The following ACVR1 variants were observed in gnomAD, a reference collection of about 807,000 sequenced individuals.
ACVR1 encodes activin receptor type-1.
ACVR1 carries 38 observed loss-of-function variants against 57.1 expected under a neutral mutation model. That is an observed-to-expected ratio of 0.67 (90% CI 0.51 to 0.87). ACVR1 has a LOEUF of 0.87. Among genes scored for constraint, ACVR1 ranks in the 40% least tolerant of loss-of-function variants. The pLI is 0.00. For synonymous variants in ACVR1, 212 were observed against 228.1 expected (o/e 0.93, Z 0.63); for missense variants, 463 against 638.2 (o/e 0.73, Z 2.96).
intron 2 of ACVR1, among the ~76,000 whole-genome samples, chr2:157,812,518 T>A (rs1687785512): frequency 6.6e-6 from 1 of 152,200 alleles, no homozygotes; most frequent in Non-Finnish European, 1.5e-5. Flanking sequence ...ACCTTGTAAT[T>A]AACTAAACTA....
chr2:157,762,337 T>A (rs952909262), intron 8 of ACVR1, among the ~76,000 whole-genome samples: 5 of 152,240 alleles, frequency 3.3e-5, no homozygotes, highest in African/African-American at 1.2e-4. Context: ...CATCTTTTAC[T>A]GTAGCTAATC....
At chr2:157,822,953 T>G (rs1688210368) in intron 1 of ACVR1, among the ~76,000 whole-genome samples, 1 of 152,230 alleles carries the variant, frequency 6.6e-6, no homozygotes, top group Non-Finnish European at 1.5e-5. Flanking sequence ...AAGACTCAGT[T>G]TACTTCTAAA....
intron 7 of ACVR1, among the ~76,000 whole-genome samples, chr2:157,769,597 T>A (rs1311581193): frequency 1.3e-5 from 2 of 152,206 alleles, no homozygotes; most frequent in African/African-American, 4.8e-5. Context: ...GAAATAAATT[T>A]TGGCAATGGC....
chr2:157,852,953 G>A (rs76067177), intron 1 of ACVR1, among the ~76,000 whole-genome samples: 3 of 152,236 alleles, frequency 2.0e-5, no homozygotes, highest in African/African-American at 7.2e-5. Flanking sequence ...TTAATAAAAG[G>A]TAGGATGTGG....
At chr2:157,768,811 G>T (rs1559046102) in intron 7 of ACVR1, among the ~76,000 whole-genome samples, 2 of 152,128 alleles carry the variant, frequency 1.3e-5, no homozygotes, top group Non-Finnish European at 2.9e-5. Context: ...ATTTAAAACT[G>T]GGAAAATGAG....
At chr2:157,843,686 G>C (rs936430404) in intron 1 of ACVR1, among the ~76,000 whole-genome samples, 6 of 152,100 alleles carry the variant, frequency 3.9e-5, no homozygotes, top group Admixed American at 2.6e-4. Flanking sequence ...CATGGGAAAG[G>C]ATTAACATGT....
chr2:157,847,745 A>G (rs564896011), intron 1 of ACVR1, among the ~76,000 whole-genome samples: 1 of 152,342 alleles, frequency 6.6e-6, no homozygotes, highest in South Asian at 2.1e-4. Flanking sequence ...CTATGGGAAC[A>G]CAGAAGAGAG....
At position 157,737,450 on chromosome 2, in the gene ACVR1, G is replaced by T; in HGVS notation, c.*81C>A. The T allele has an allele frequency of 1.3e-6, 2 of 1,554,260 alleles. No homozygotes were observed. Among genetic ancestry groups the T allele is most frequent in the South Asian group, 1.1e-5 (1 of 87,424 alleles). ...GAGGGAGACAGATGGATTCCATTCTGACAACCAGTCAGGCCAGCATTAGGT... is the reference window on the plus strand; with the variant it reads ...GAGGGAGACAGATGGATTCCATTCTTACAACCAGTCAGGCCAGCATTAGGT... On this transcript the variant is annotated 3_prime_UTR_variant, in exon 11 of 11. Transcript: ENST00000434821.
rs145005109 is a variant in ACVR1, at chr2:157,835,501, C to T, written c.-182-16942G>A. ...TTGTGATACTCATTTCTTTCCTTAA[C>T]ACTTTTTCTTTTTCTTAATAGTATA... On this transcript the variant is annotated intron_variant, in intron 1 of 10. Coordinates refer to ENST00000434821, the MANE Select transcript of ACVR1 (RefSeq NM_001111067.4). Among the ~76,000 whole-genome samples, 906 of 152,274 alleles carry T rather than the reference C, an allele frequency of 5.9e-3. 11 individuals are homozygous for T. Among genetic ancestry groups the T allele is most frequent in the African/African-American group, 0.021 (863 of 41,560 alleles).
At position 157,770,581 on chromosome 2, in the gene ACVR1, A is replaced by G; in HGVS notation, c.644-67T>C. On this transcript the variant is annotated intron_variant, in intron 6 of 10. Transcript: ENST00000434821. ...TTTGGAGGCAGCCAGCCCATCATTA[A>G]GAATAATTAATTTAGTGCATGCAAC... The G allele has an allele frequency of 1.9e-6, 3 of 1,544,108 alleles. No individual in the cohort carries two copies. In the South Asian group the frequency reaches 3.3e-5, roughly 17 times the overall value.
chr2:157,800,147 T>A (rs1027513669), intron 2 of ACVR1, among the ~76,000 whole-genome samples: 2 of 152,206 alleles, frequency 1.3e-5, no homozygotes, highest in African/African-American at 4.8e-5. Flanking sequence ...ACTTTTCCAT[T>A]TGAATAATGT....
intron 3 of ACVR1, among the ~76,000 whole-genome samples, chr2:157,791,806 C>G (rs1686924529): frequency 6.6e-6 from 1 of 152,164 alleles, no homozygotes; most frequent in Non-Finnish European, 1.5e-5. Flanking sequence ...AAACATGATC[C>G]TAACCCTCTG....
At chr2:157,802,862 C>T (rs1687377502) in intron 2 of ACVR1, among the ~76,000 whole-genome samples, 1 of 152,108 alleles carries the variant, frequency 6.6e-6, no homozygotes, top group Non-Finnish European at 1.5e-5. Flanking sequence ...TTCATCACTG[C>T]CAGAGCCAAG....
chr2:157,775,114 G>A lies in ACVR1; in HGVS notation c.544-927C>T, dbSNP rs183401075. 3.1e-3 allele frequency among the ~76,000 whole-genome samples: 475 copies of A among 152,294 alleles called. 4 individuals carry two copies. Among genetic ancestry groups the A allele is most frequent in the Non-Finnish European group, 3.4e-3 (232 of 68,016 alleles). On this transcript the variant is annotated intron_variant, in intron 5 of 10. Coordinates refer to ENST00000434821, the MANE Select transcript of ACVR1 (RefSeq NM_001111067.4). Reference sequence around the variant, plus strand: ...TAAATTGGTAAGCGCAGGCAGCAACGGGCTGCCTGGATGGAGGTTTCCTTT... The same window carrying A: ...TAAATTGGTAAGCGCAGGCAGCAACAGGCTGCCTGGATGGAGGTTTCCTTT...
At chr2:157,760,436 A>C (rs777670772) in intron 9 of ACVR1, among the ~76,000 whole-genome samples, 9 of 152,212 alleles carry the variant, frequency 5.9e-5, no homozygotes, top group Non-Finnish European at 1.2e-4. Flanking sequence ...TATGTATTTC[A>C]AAATAGCTAG....
chr2:157,762,166 T>G (rs867147035), intron 8 of ACVR1, among the ~76,000 whole-genome samples: 12 of 152,298 alleles, frequency 7.9e-5, no homozygotes, highest in Middle Eastern at 6.8e-3. Context: ...CCAAATCCTA[T>G]GCAATAGTCC....
chr2:157,773,355 G>A (rs1489612922), intron 6 of ACVR1, among the ~76,000 whole-genome samples: 1 of 152,150 alleles, frequency 6.6e-6, no homozygotes, highest in Non-Finnish European at 1.5e-5. Flanking sequence ...CAGTTCCTGG[G>A]AATTTTTTCT....
intron 7 of ACVR1, among the ~76,000 whole-genome samples, chr2:157,768,149 T>A (rs16842025): frequency 0.014 from 2,114 of 152,250 alleles, 59 homozygotes; most frequent in African/African-American, 0.048. Flanking sequence ...ACCCTCTACT[T>A]CTTTCTCTCT....
intron 2 of ACVR1, among the ~76,000 whole-genome samples, chr2:157,809,638 T>A (rs566053556): frequency 6.7e-4 from 102 of 151,936 alleles, no homozygotes; most frequent in African/African-American, 2.3e-3. Context: ...CTGACCTAAA[T>A]AAGAAAACAA....
Sources: allele counts gnomAD v4.1 joint callset (sites outside exome capture counted in the v4.1 genomes callset), GRCh38; gene constraint gnomAD v4.1.1; transcripts MANE v1.5; gene names NCBI Gene and HGNC (gene_info 2026-07-23, HGNC 2026-07-21).